The following RBM28 variants were observed in gnomAD, a reference collection of about 807,000 sequenced individuals.
RBM28 encodes the protein RNA-binding protein 28.
A neutral mutation model predicts 98.3 loss-of-function variants in RBM28; 78 were observed. The ratio of observed to expected loss-of-function variants is 0.79; its 90% CI spans 0.66 to 0.96. The LOEUF is 0.96. RBM28 is among the 40% of genes least tolerant of loss of function. RBM28 has a pLI of 0.00. For missense variants in RBM28, 838 were observed against 913.0 expected (o/e 0.92, Z 1.06); for synonymous variants, 306 against 330.9 (o/e 0.92, Z 0.82).
chr7:128,334,345 C>T (rs1796550807), intron 8 of RBM28, among the ~76,000 whole-genome samples: 1 of 152,154 alleles, frequency 6.6e-6, no homozygotes, highest in South Asian at 2.1e-4. Flanking sequence ...ATTTATCTGT[C>T]CTATAAGTTT....
intron 7 of RBM28, 82 bp downstream of exon 7, chr7:128,335,765 C>G: frequency 1.2e-6 from 2 of 1,613,162 alleles, no homozygotes; most frequent in Non-Finnish European, 1.7e-6. Flanking sequence ...TGCAATGATG[C>G]AGGCAGAAAA....
chr7:128,330,410 C>T (rs1796454214), intron 10 of RBM28, among the ~76,000 whole-genome samples: 1 of 112,742 alleles, frequency 8.9e-6, no homozygotes, highest in African/African-American at 3.4e-5. Context: ...AAACAAGAGT[C>T]TTGCTCTGTG....
At chr7:128,317,857 C>T (rs1335268881) in intron 15 of RBM28, 100 bp downstream of exon 15, 1 of 1,562,860 alleles carries the variant, frequency 6.4e-7, no homozygotes, top group Non-Finnish European at 8.8e-7. Context: ...GCCACTGTTT[C>T]CCACCCCTCA....
intron 10 of RBM28, 137 bp downstream of exon 10, chr7:128,330,682 T>G: frequency 1.3e-6 from 1 of 742,112 alleles, no homozygotes; most frequent in Non-Finnish European, 2.4e-6. Flanking sequence ...TCCCTGGTAC[T>G]TTTATAGAAC....
chr7:128,322,097 A>C (rs1428104457), intron 13 of RBM28, among the ~76,000 whole-genome samples: 1 of 152,022 alleles, frequency 6.6e-6, no homozygotes, highest in Admixed American at 6.6e-5. Flanking sequence ...AACAAACAAC[A>C]AATAATACTG....
At chr7:128,328,239 A>G (rs978502699) in intron 10 of RBM28, among the ~76,000 whole-genome samples, 2 of 152,244 alleles carry the variant, frequency 1.3e-5, no homozygotes, top group Non-Finnish European at 2.9e-5. Flanking sequence ...AAATATGGGG[A>G]AAATGTTTCT....
At chr7:128,332,032 G>T (rs1344655917) in intron 9 of RBM28, among the ~76,000 whole-genome samples, 1 of 152,052 alleles carries the variant, frequency 6.6e-6, no homozygotes, top group Non-Finnish European at 1.5e-5. Context: ...GGTGTATAAG[G>T]AATGGTATCC....
intron 1 of RBM28, among the ~76,000 whole-genome samples, chr7:128,342,833 G>C (rs138774670): frequency 6.5e-4 from 99 of 152,164 alleles, no homozygotes; most frequent in African/African-American, 2.1e-3. Context: ...TGAGCTTGCT[G>C]TTTTCTCTTC....
At chr7:128,339,363 C>G (rs1302000400) in intron 2 of RBM28, 42 bp from the exon 3 acceptor site, 1 of 1,471,214 alleles carries the variant, frequency 6.8e-7, no homozygotes, top group East Asian at 2.3e-5. Context: ...CGAAAATCAC[C>G]CACTTCTACG....
rs1584669422 is a variant in RBM28, at chr7:128,343,654, T to C, written c.118+22A>G. The stretch of plus-strand genomic sequence containing the variant: ...TCGATCGCAGGAAACCCCAGCCCTA[T>C]CCTCGACCGCCCCGCCCCTACCTTT... On this transcript the variant is annotated intron_variant, in intron 1 of 18. Transcript: ENST00000223073. 2.5e-6 allele frequency: 4 copies of C among 1,587,502 alleles called. No individual in the cohort carries two copies. The South Asian group carries it at 4.5e-5, about 18-fold the overall frequency.
At chr7:128,313,870 G>T (rs927720587) in intron 17 of RBM28, among the ~76,000 whole-genome samples, 1 of 152,166 alleles carries the variant, frequency 6.6e-6, no homozygotes, top group Non-Finnish European at 1.5e-5. Flanking sequence ...CTTCCACTAT[G>T]ATTAAGTTTC....
intron 14 of RBM28, among the ~76,000 whole-genome samples, chr7:128,320,363 T>C (rs1017688678): frequency 1.4e-5 from 2 of 139,098 alleles, no homozygotes; most frequent in African/African-American, 2.8e-5. Context: ...TGACCCGAGA[T>C]GGTGCCACTG....
rs1795782871 is a variant in RBM28, at chr7:128,301,622, G to C, written c.*9175C>G. ...CTCTACCCACGACTACCCAGGAAAG[G>C]ACATGATCCCTCATTAAGACCCAGC... is the stretch of plus-strand genomic sequence containing the variant. On this transcript the variant is annotated 3_prime_UTR_variant, in exon 19 of 19. Transcript: ENST00000223073. 6.6e-6 allele frequency: 1 copy of C among 152,310 alleles called. No individual in the cohort carries two copies. Among genetic ancestry groups the C allele is most frequent in the Non-Finnish European group, 1.5e-5 (1 of 68,106 alleles). The allele number at this position is 152,310 out of a possible 1,614,324, so 9.4% of individuals were successfully genotyped here.
chr7:128,304,288 T>C lies in RBM28; in HGVS notation c.*6509A>G, dbSNP rs1795821646. On this transcript the variant is annotated 3_prime_UTR_variant, in exon 19 of 19. Transcript: ENST00000223073. Reference sequence around the variant, plus strand: ...ATCCAACCTGTTTGCAATTCAACCATGATATGACACAACCAGACTACAAAT... The same window carrying C: ...ATCCAACCTGTTTGCAATTCAACCACGATATGACACAACCAGACTACAAAT... 6.6e-6 allele frequency: 1 copy of C among 152,228 alleles called. No homozygotes were observed. The allele number at this position is 152,228 out of a possible 1,614,324, so 9.4% of individuals were successfully genotyped here. A position where few individuals can be genotyped will look rare whatever the true frequency, so the allele number is the denominator to read the frequency against.
At position 128,298,954 on chromosome 7, in the gene RBM28, A is replaced by C. The variant is rs1295727788; in HGVS notation, c.*11843T>G. On this transcript the variant is annotated 3_prime_UTR_variant, in exon 19 of 19. Transcript: ENST00000223073. Reference sequence around the variant, plus strand: ...CTAGAGCCCAGGAGGTCGAGGCTGCAGTGACCTGTGATTACACCACTGCAC... The same window carrying C: ...CTAGAGCCCAGGAGGTCGAGGCTGCCGTGACCTGTGATTACACCACTGCAC... The C allele has an allele frequency of 6.6e-6, 1 of 150,652 alleles. No individual in the cohort carries two copies. The allele number at this position is 150,652 out of a possible 1,614,324, so 9.3% of individuals were successfully genotyped here.
At chr7:128,332,185 T>C (rs1285444981) in intron 9 of RBM28, among the ~76,000 whole-genome samples, 1 of 152,150 alleles carries the variant, frequency 6.6e-6, no homozygotes, top group Non-Finnish European at 1.5e-5. Flanking sequence ...TGCAGTTAGG[T>C]GAGAAAATGG....
intron 16 of RBM28, among the ~76,000 whole-genome samples, chr7:128,315,340 A>C (rs888206314): frequency 2.6e-5 from 4 of 152,238 alleles, no homozygotes; most frequent in Non-Finnish European, 4.4e-5. Context: ...ATACAAGAAG[A>C]AAGCAAGCAA....
chr7:128,342,738 C>G lies in RBM28; in HGVS notation c.118+938G>C, dbSNP rs538432434. On this transcript the variant is annotated intron_variant, in intron 1 of 18. Transcript: ENST00000223073. ...ACTCTAGATCTCATCTCCTAATTCT[C>G]TTCCCTTTACTCACTTCAATCCAGT... 1.1e-4 allele frequency among the ~76,000 whole-genome samples: 16 copies of G among 152,246 alleles called. No individual in the cohort carries two copies. The South Asian group carries it at 3.3e-3, about 32-fold the overall frequency.
At chr7:128,323,237 G>C (rs1327050340) in intron 13 of RBM28, among the ~76,000 whole-genome samples, 1 of 152,148 alleles carries the variant, frequency 6.6e-6, no homozygotes, top group East Asian at 1.9e-4. Flanking sequence ...GCCTCTGACT[G>C]TCTACTGCAT....
Sources: gnomAD v4.1 joint callset for allele counts (sites outside exome capture counted in the v4.1 genomes callset) on GRCh38, gnomAD v4.1.1 for gene constraint, MANE v1.5 for transcripts, NCBI Gene and HGNC (gene_info 2026-07-23, HGNC 2026-07-21) for gene names.